Variants in SLC48A1 observed in about 807,000 individuals in gnomAD.
The protein encoded by SLC48A1 is solute carrier family 48 member 1, also known as heme transporter HRG1.
Under a neutral mutation model 14.8 loss-of-function variants are expected in SLC48A1, and 6 were observed. The observed-to-expected ratio is 0.41, with a 90% CI of 0.22 to 0.80. The LOEUF (loss-of-function observed/expected upper bound fraction) is 0.80. SLC48A1 is among the 30% of genes least tolerant of loss of function. The pLI is 0.34. For synonymous variants in SLC48A1, 89 were observed against 90.0 expected, an observed-to-expected ratio of 0.99 and a Z score of 0.06; for missense variants, 165 against 204.8, an observed-to-expected ratio of 0.81 and a Z score of 1.19.
rs4760652 is a variant in SLC48A1 at position 47,781,821 on chromosome 12, A to G, written c.*1540A>G. The G allele has an allele frequency of 0.79, 120,049 of 152,534 alleles. 47,476 individuals are homozygous for G. Among genetic ancestry groups the G allele is most frequent in the East Asian group, 0.92 (4,773 of 5,180 alleles). The allele number at this position is 152,534 out of a possible 1,614,324, so 9.4% of individuals were successfully genotyped here. On this transcript the variant is annotated 3_prime_UTR_variant, in exon 3 of 3. Coordinates refer to ENST00000442218, the MANE Select transcript of SLC48A1 (RefSeq NM_017842.3). The stretch of plus-strand genomic sequence containing the variant: ...TTGTGCCCTGGAGGGCAGGGGACAG[A>G]GTCAGTATCTCTGGGGCTGCAGGCC...
chr12:47,759,064 C>T lies in SLC48A1; in HGVS notation c.-373+404C>T, dbSNP rs375320848. The stretch of plus-strand genomic sequence containing the variant: ...CGGGGGTACCAGAGTGGACATCCGC[C>T]TGAGCCCAGAGTATCCCCAGGGGGC... On this transcript the variant is annotated intron_variant, in intron 1 of 4. Transcript: ENST00000547002. 8.3e-4 allele frequency: 820 copies of T among 987,072 alleles called. 7 individuals are homozygous for T. The African/African-American group carries it at 0.013, about 16-fold the overall frequency. 61.1% of individuals were successfully genotyped at this position (987,072 alleles called of 1,614,324 possible).
At position 47,780,375 on chromosome 12, in the gene SLC48A1, C is replaced by A; in HGVS notation, c.*94C>A. On this transcript the variant is annotated 3_prime_UTR_variant, in exon 3 of 3. Transcript: ENST00000442218. ...AGAGGCTACTCCCACCCCCTGGTGA[C>A]CCCAGAACTGTGGCAGAAAATACAC... 6.3e-7 allele frequency: 1 copy of A among 1,577,472 alleles called. No individual in the cohort carries two copies. The highest frequency in any genetic ancestry group is 8.7e-7 in the Non-Finnish European group (1 of 1,147,108).
chr12:47,769,911 A>G (rs1942595020), upstream of SLC48A1, among the ~76,000 whole-genome samples: 1 of 152,262 alleles, frequency 6.6e-6, no homozygotes, highest in Admixed American at 6.5e-5. Context: ...TAAATTAAAT[A>G]CAATTAAAAA....
upstream of SLC48A1, among the ~76,000 whole-genome samples, chr12:47,771,981 G>T (rs1249124189): frequency 2.6e-5 from 4 of 151,242 alleles, no homozygotes; most frequent in African/African-American, 9.7e-5. Flanking sequence ...AGAGCCTCCA[G>T]AAACAAGGCA....
chr12:47,758,012 C>T, upstream of SLC48A1: 1 of 1,575,352 alleles, frequency 6.3e-7, no homozygotes, highest in Non-Finnish European at 8.6e-7. Context: ...ACCCGCGGTG[C>T]TCCCAGAGCT....
At chr12:47,779,240 C>T (rs373683788) in intron 2 of SLC48A1, 45 bp downstream of exon 2, 188 of 1,521,922 alleles carry the variant, frequency 1.2e-4, no homozygotes, top group African/African-American at 1.2e-4. Context: ...GGGACAGCAG[C>T]GGGGATTTTA....
chr12:47,767,091 G>A (rs1942531206), upstream of SLC48A1, among the ~76,000 whole-genome samples: 1 of 151,996 alleles, frequency 6.6e-6, no homozygotes, highest in African/African-American at 2.4e-5. Flanking sequence ...GGGGGCCTGG[G>A]TGGGGTAGAA....
intron 2 of SLC48A1, among the ~76,000 whole-genome samples, chr12:47,764,097 A>G (rs1203001852): frequency 6.6e-6 from 1 of 152,096 alleles, no homozygotes; most frequent in Non-Finnish European, 1.5e-5. Flanking sequence ...ATGTATAGAA[A>G]CGAGTAACTG....
intron 2 of SLC48A1, among the ~76,000 whole-genome samples, chr12:47,765,305 G>T (rs910002819): frequency 1.3e-5 from 2 of 152,150 alleles, no homozygotes; most frequent in Non-Finnish European, 2.9e-5. Flanking sequence ...AAAGTCTGCA[G>T]TTCTGCCTGA....
rs779884964 is a variant in SLC48A1 at position 47,781,947 on chromosome 12, C to T, written c.*1666C>T. ...ACCCCAGCCAGGGCAAGGATGCCCA[C>T]GGGCATAGCTACAGCAACCCCTGCG... On this transcript the variant is annotated 3_prime_UTR_variant, in exon 3 of 3. Transcript: ENST00000442218. The T allele has an allele frequency of 3.9e-5, 6 of 152,644 alleles. No individual in the cohort carries two copies. Among genetic ancestry groups the T allele is most frequent in the South Asian group, 2.1e-4 (1 of 4,838 alleles). 9.5% of individuals were successfully genotyped at this position (152,644 alleles called of 1,614,324 possible). A position where few individuals can be genotyped will look rare whatever the true frequency, so the allele number is the denominator to read the frequency against.
At position 47,780,556 on chromosome 12, in the gene SLC48A1, TC is replaced by T. The variant is rs779263839; in HGVS notation, c.*276del. 1 of 664,540 alleles carries T rather than the reference TC, an allele frequency of 1.5e-6. No individual in the cohort carries two copies. The allele number at this position is 664,540 out of a possible 1,614,324, so 41.2% of individuals were successfully genotyped here. ...TCAAATGAATCTGTTTTCTTTTCTT[TC>T]TTTTTTTTTTCTTTTTTTTTTTTTT... On this transcript the variant is annotated 3_prime_UTR_variant, in exon 3 of 3. Coordinates refer to ENST00000442218, the MANE Select transcript of SLC48A1 (RefSeq NM_017842.3).
intron 1 of SLC48A1, among the ~76,000 whole-genome samples, chr12:47,774,563 G>T (rs1010970923): frequency 4.6e-5 from 7 of 152,224 alleles, no homozygotes; most frequent in East Asian, 1.9e-4. Context: ...TCGGCCAAAA[G>T]AACCCTAAAT....
intron 1 of SLC48A1, chr12:47,759,129 C>T: frequency 1.0e-6 from 1 of 984,034 alleles, no homozygotes; most frequent in South Asian, 4.7e-5. Context: ...CCGCAACGGC[C>T]GGGGTGTCAG....
chr12:47,767,541 G>A (rs889130264), upstream of SLC48A1, among the ~76,000 whole-genome samples: 2 of 152,188 alleles, frequency 1.3e-5, no homozygotes, highest in African/African-American at 4.8e-5. Flanking sequence ...AAAACTGGAA[G>A]AGTCCCCAAT....
At chr12:47,766,613 T>C (rs949331839), upstream of SLC48A1, among the ~76,000 whole-genome samples, 1 of 152,128 alleles carries the variant, frequency 6.6e-6, no homozygotes, top group Non-Finnish European at 1.5e-5. Context: ...AGCTCCTTCA[T>C]GCTGCTCTCC....
upstream of SLC48A1, chr12:47,758,022 T>G (rs1942195647): frequency 1.3e-6 from 2 of 1,576,340 alleles, no homozygotes; most frequent in Admixed American, 3.6e-5. Context: ...CTCCCAGAGC[T>G]GGGCTATCCT....
At chr12:47,765,076 C>CAAAAAA (rs750174911) in intron 2 of SLC48A1, among the ~76,000 whole-genome samples, 2 of 38,196 alleles carry the variant, frequency 5.2e-5, no homozygotes, top group East Asian at 9.7e-4. Context: ...GACTCTGTCT[C>CAAAAAA]AAAAAAAAAA....
chr12:47,780,557 C>CTTTTTTTTTTTTTTTTTTTTT lies in SLC48A1; in HGVS notation c.*286_*287insTTTTTTTTTTTTTTTTTTTTT. On this transcript the variant is annotated 3_prime_UTR_variant, in exon 3 of 3. Transcript: ENST00000442218. ...CAAATGAATCTGTTTTCTTTTCTTT[C>CTTTTTTTTTTTTTTTTTTTTT]TTTTTTTTTTCTTTTTTTTTTTTTT... 3.6e-6 allele frequency: 2 copies of CTTTTTTTTTTTTTTTTTTTTT among 560,146 alleles called. No homozygotes were observed. The highest frequency in any genetic ancestry group is 6.6e-6 in the Non-Finnish European group (2 of 303,086). 34.7% of individuals were successfully genotyped at this position (560,146 alleles called of 1,614,324 possible).
intron 2 of SLC48A1, among the ~76,000 whole-genome samples, chr12:47,764,875 G>A (rs1017530621): frequency 3.9e-5 from 6 of 151,954 alleles, no homozygotes; most frequent in East Asian, 1.9e-4. Flanking sequence ...TCAAGAGATC[G>A]AGACCATCCT....
Sources: gnomAD v4.1 joint callset for allele counts (sites outside exome capture counted in the v4.1 genomes callset) on GRCh38, gnomAD v4.1.1 for gene constraint, MANE v1.5 for transcripts, NCBI Gene and HGNC (gene_info 2026-07-23, HGNC 2026-07-21) for gene names.